Variants in DLAT observed in about 807,000 individuals in gnomAD.
The protein encoded by DLAT is dihydrolipoamide S-acetyltransferase.
DLAT carries 43 observed loss-of-function variants against 68.0 expected under a neutral mutation model. The observed-to-expected ratio is 0.63, with a 90% confidence interval of 0.50 to 0.81. The LOEUF (loss-of-function observed/expected upper bound fraction) is 0.81, where lower values mean the gene tolerates loss of function less well. DLAT is among the 40% of genes least tolerant of loss of function. DLAT has a pLI of 0.00. For synonymous variants in DLAT, 265 were observed against 288.6 expected (o/e 0.92, Z 0.83); for missense variants, 745 against 815.4 (o/e 0.91, Z 1.05).
intron 7 of DLAT, among the ~76,000 whole-genome samples, chr11:112,041,281 T>C (rs1863039588): frequency 6.6e-6 from 1 of 152,198 alleles, no homozygotes; most frequent in African/African-American, 2.4e-5. Context: ...CATATCTAGG[T>C]ATTAGCTATA....
intron 11 of DLAT, among the ~76,000 whole-genome samples, chr11:112,054,214 G>T (rs1227940156): frequency 6.6e-6 from 1 of 152,096 alleles, no homozygotes; most frequent in Non-Finnish European, 1.5e-5. Context: ...TAATCAGGAG[G>T]CTGAGGCAGG....
intron 9 of DLAT, 149 bp downstream of exon 9, chr11:112,045,379 C>G (rs1592692511): frequency 2.8e-6 from 2 of 725,020 alleles, no homozygotes; most frequent in African/African-American, 3.5e-5. Context: ...CAACTGAATA[C>G]TTGAATCACT....
intron 5 of DLAT, among the ~76,000 whole-genome samples, chr11:112,035,884 G>T (rs1226505075): frequency 6.7e-6 from 1 of 148,748 alleles, no homozygotes; most frequent in Admixed American, 6.8e-5. Context: ...TCCACCTCCC[G>T]GGTTCAAGCA....
Position 112,062,874 on chromosome 11 carries a change from G to C in DLAT, c.*339G>C, listed in dbSNP as rs1555183456. 1 of 278,836 alleles carries C rather than the reference G, an allele frequency of 3.6e-6. No homozygotes were observed. The highest frequency in any genetic ancestry group is 7.0e-6 in the Non-Finnish European group (1 of 142,694). The allele number at this position is 278,836 out of a possible 1,614,324, so 17.3% of individuals were successfully genotyped here. The stretch of plus-strand genomic sequence containing the variant: ...GTTCCCTAAAGACAAGTACATAAAG[G>C]TGACCCTGATGAAACCTTGAAGTTC... On this transcript the variant is annotated 3_prime_UTR_variant, in exon 14 of 14. Transcript: ENST00000280346.
chr11:112,059,070 G>T (rs1442978714), intron 11 of DLAT, among the ~76,000 whole-genome samples: 1 of 151,448 alleles, frequency 6.6e-6, no homozygotes, highest in Non-Finnish European at 1.5e-5. Context: ...AAAAAAGATT[G>T]GGACCCCTTA....
chr11:112,052,499 T>C (rs1371861222), intron 11 of DLAT, among the ~76,000 whole-genome samples: 3 of 152,180 alleles, frequency 2.0e-5, no homozygotes, highest in African/African-American at 7.2e-5. Flanking sequence ...GGAAACACTT[T>C]ATGTTTATTA....
chr11:112,049,799 C>G (rs1863515681), intron 10 of DLAT, among the ~76,000 whole-genome samples: 1 of 151,952 alleles, frequency 6.6e-6, no homozygotes, highest in Non-Finnish European at 1.5e-5. Context: ...TAGTGTATTT[C>G]TTAGGTTTTT....
At chr11:112,026,571 C>T (rs1862027791) in intron 2 of DLAT, among the ~76,000 whole-genome samples, 1 of 152,146 alleles carries the variant, frequency 6.6e-6, no homozygotes, top group Non-Finnish European at 1.5e-5. Context: ...CAAAGCACAT[C>T]TTGCACTGCC....
rs782159842 is a variant in DLAT at position 112,025,413 on chromosome 11, T to C, written c.-60T>C. ...GTGTGGCTGACGGCAACGCCGCTGC[T>C]CTTGGAGAGGTCACTCCGGAGACGG... is the stretch of plus-strand genomic sequence containing the variant. On this transcript the variant is annotated 5_prime_UTR_variant, in exon 1 of 14. Coordinates refer to ENST00000280346, the MANE Select transcript of DLAT (RefSeq NM_001931.5). The C allele has an allele frequency of 3.2e-6, 5 of 1,571,498 alleles. No individual in the cohort carries two copies. The highest frequency in any genetic ancestry group is 4.3e-6 in the Non-Finnish European group (5 of 1,163,940).
In DLAT at chr11:112,051,215, G is replaced by T. The variant is rs782588739; in HGVS notation, c.1399-19G>T. ...TAAAATTAAAAAAGAAGAAACTACA[G>T]TTCTTCTTGTCTTTCCAGATATTAG... On this transcript the variant is annotated intron_variant, in intron 10 of 13. Transcript: ENST00000280346. This position sits in a 1 kb window ranked among gnomAD's most constrained non-coding sequence, Gnocchi z 4.3. The T allele has an allele frequency of 6.7e-7, 1 of 1,484,404 alleles. No homozygotes were observed. Among genetic ancestry groups the T allele is most frequent in the Non-Finnish European group, 9.4e-7 (1 of 1,069,282 alleles). The allele number at this position is 1,484,404 out of a possible 1,614,324, so 92.0% of individuals were successfully genotyped here.
chr11:112,047,201 T>A (rs947820981), intron 10 of DLAT, among the ~76,000 whole-genome samples: 4 of 152,250 alleles, frequency 2.6e-5, no homozygotes, highest in Non-Finnish European at 4.4e-5. Context: ...TTGATTTGCA[T>A]TTCTTTAATG....
intron 11 of DLAT, among the ~76,000 whole-genome samples, chr11:112,052,552 G>C (rs184215037): frequency 1.3e-5 from 2 of 152,298 alleles, no homozygotes; most frequent in East Asian, 3.9e-4. Flanking sequence ...CAGATGAAGA[G>C]ATGGCTAGGG....
Position 112,062,309 on chromosome 11 carries a change from G to T in DLAT, c.1815-97G>T. The T allele has an allele frequency of 2.3e-6, 3 of 1,299,422 alleles. No individual in the cohort carries two copies. The South Asian group carries it at 3.7e-5, about 16-fold the overall frequency. 80.5% of individuals were successfully genotyped at this position (1,299,422 alleles called of 1,614,324 possible). ...AAGAGTAGATAGGAAGTATTACCTG[G>T]TTGGGATTATAGGGTAGGAGTGAGC... On this transcript the variant is annotated intron_variant, in intron 13 of 13. Transcript: ENST00000280346.
At chr11:112,047,942 A>G (rs960789196) in intron 10 of DLAT, among the ~76,000 whole-genome samples, 1 of 152,198 alleles carries the variant, frequency 6.6e-6, no homozygotes, top group Non-Finnish European at 1.5e-5. Context: ...TGTCTTGGCT[A>G]TACGGGCCCT....
At chr11:112,033,040 G>C (rs1555180094) in intron 4 of DLAT, among the ~76,000 whole-genome samples, 1 of 152,036 alleles carries the variant, frequency 6.6e-6, no homozygotes, top group Non-Finnish European at 1.5e-5. Flanking sequence ...CTCCAGCCTG[G>C]GGGACAGAGC....
chr11:112,028,176 A>C (rs2137695188), intron 2 of DLAT, among the ~76,000 whole-genome samples: 1 of 152,270 alleles, frequency 6.6e-6, no homozygotes, highest in South Asian at 2.1e-4. Flanking sequence ...AATCTGTCGT[A>C]GTGGCCTTAT....
chr11:112,041,368 A>T (rs1051422533), intron 7 of DLAT, among the ~76,000 whole-genome samples: 2 of 152,224 alleles, frequency 1.3e-5, no homozygotes, highest in Non-Finnish European at 2.9e-5. Context: ...TATACTAGTG[A>T]GTGAAAGGGT....
chr11:112,042,945 AT>A (rs1555181093), intron 7 of DLAT, among the ~76,000 whole-genome samples: 1 of 152,230 alleles, frequency 6.6e-6, no homozygotes, highest in African/African-American at 2.4e-5. Flanking sequence ...AATCGACTTG[AT>A]TTGTCAAAAC....
chr11:112,047,394 T>C (rs372062921), intron 10 of DLAT, among the ~76,000 whole-genome samples: 35 of 152,324 alleles, frequency 2.3e-4, no homozygotes, highest in African/African-American at 7.5e-4. Flanking sequence ...ATTTCAAAAA[T>C]TTTCTCCCAT....
Sources: allele counts gnomAD v4.1 joint callset (sites outside exome capture counted in the v4.1 genomes callset), GRCh38; gene constraint gnomAD v4.1.1; non-coding constraint Gnocchi (gnomAD v3.1); transcripts MANE v1.5; gene names NCBI Gene and HGNC (gene_info 2026-07-23, HGNC 2026-07-21).